The following CNTNAP2 variants were observed in gnomAD, a reference collection of about 807,000 sequenced individuals.
The protein encoded by CNTNAP2 is contactin-associated protein-like 2.
A neutral mutation model predicts 155.2 loss-of-function variants in CNTNAP2; 98 were observed. The observed-to-expected ratio is 0.63, with a 90% CI of 0.54 to 0.75. The LOEUF is 0.75. Among genes scored for constraint, CNTNAP2 ranks in the 30% least tolerant of loss-of-function variants. The pLI, the probability that CNTNAP2 is intolerant of heterozygous loss-of-function variation, is 0.00. For synonymous variants in CNTNAP2, 651 were observed against 631.2 expected (o/e 1.03, Z -0.47); for missense variants, 1,727 against 1,688.1 (o/e 1.02, Z -0.40).
At position 147,320,094 on chromosome 7, in the gene CNTNAP2, TTCTAA is replaced by T. The variant is rs1247672407; in HGVS notation, c.1498+19809_1498+19813del. ...AGCATGCAACCTCTAATTTAACAAG[TTCTAA>T]TCTATCTAGATTTTCCACCATCTTT... On this transcript the variant is annotated intron_variant, in intron 9 of 23. Transcript: ENST00000361727. Among the ~76,000 whole-genome samples the T allele has an allele frequency of 7.2e-5, 11 of 152,268 alleles. No individual in the cohort carries two copies. The Middle Eastern group carries it at 0.01, about 141-fold the overall frequency.
intron 13 of CNTNAP2, among the ~76,000 whole-genome samples, chr7:147,823,267 C>T (rs1161391469): frequency 6.6e-6 from 1 of 152,118 alleles, no homozygotes; most frequent in Admixed American, 6.6e-5. Context: ...CAGCAGCTGC[C>T]CTGCTGCTAA....
chr7:146,486,416 A>G (rs531114122), intron 1 of CNTNAP2, among the ~76,000 whole-genome samples: 1 of 152,232 alleles, frequency 6.6e-6, no homozygotes, highest in South Asian at 2.1e-4. Flanking sequence ...AGAAATGTAG[A>G]GATAATCATG....
chr7:146,117,243 G>C (rs541077563), intron 1 of CNTNAP2: 105 of 480,994 alleles, frequency 2.2e-4, no homozygotes, highest in Non-Finnish European at 3.6e-4. Flanking sequence ...TAGAGAGACT[G>C]ATGTAGATGG....
chr7:147,968,072 C>A (rs968860582), intron 14 of CNTNAP2, among the ~76,000 whole-genome samples: 2 of 152,134 alleles, frequency 1.3e-5, no homozygotes, highest in Admixed American at 6.5e-5. Flanking sequence ...TTTATTCAAT[C>A]ATGAAACACG....
chr7:148,134,359 T>A (rs1224554330), intron 16 of CNTNAP2, among the ~76,000 whole-genome samples: 1 of 152,228 alleles, frequency 6.6e-6, no homozygotes, highest in African/African-American at 2.4e-5. Flanking sequence ...ATTATGCTCA[T>A]CCTGCATTCC....
chr7:147,833,384 A>C (rs1204451643), intron 13 of CNTNAP2, among the ~76,000 whole-genome samples: 4 of 152,178 alleles, frequency 2.6e-5, no homozygotes, highest in South Asian at 2.1e-4. Flanking sequence ...TGTGATAGAT[A>C]ATTTCCGAGC....
chr7:147,070,670 C>G lies in CNTNAP2; in HGVS notation c.550+26616C>G, dbSNP rs536366535. Among the ~76,000 whole-genome samples, 113 of 152,256 alleles carry G rather than the reference C, an allele frequency of 7.4e-4. 1 individual carries two copies. The highest frequency in any genetic ancestry group is 6.9e-3 in the Admixed American group (105 of 15,290). On this transcript the variant is annotated intron_variant, in intron 4 of 23. Transcript: ENST00000361727. ...AAACTGAAAGAGTCATATAGCCTTG[C>G]CAGGGAAAGAAGACAGGGATGCAAC...
At chr7:147,558,830 C>T (rs2116780540) in intron 11 of CNTNAP2, among the ~76,000 whole-genome samples, 1 of 152,124 alleles carries the variant, frequency 6.6e-6, no homozygotes, top group Non-Finnish European at 1.5e-5. Flanking sequence ...GCATCCTTCG[C>T]CTCCTGGGTT....
intron 13 of CNTNAP2, among the ~76,000 whole-genome samples, chr7:147,812,384 C>T (rs891676602): frequency 1.1e-4 from 17 of 151,804 alleles, no homozygotes; most frequent in African/African-American, 4.1e-4. Flanking sequence ...CTTGAAAGAT[C>T]ATTTACCTTG....
chr7:147,842,604 T>A (rs1316593131), intron 13 of CNTNAP2, among the ~76,000 whole-genome samples: 4 of 78,700 alleles, frequency 5.1e-5, no homozygotes, highest in Admixed American at 3.7e-4. Context: ...TTTTTTTTTT[T>A]ATTATACTCT....
At chr7:147,282,004 C>T (rs1165097620) in intron 8 of CNTNAP2, among the ~76,000 whole-genome samples, 1 of 151,844 alleles carries the variant, frequency 6.6e-6, no homozygotes, top group Admixed American at 6.6e-5. Flanking sequence ...CCTCCATCTT[C>T]CAAAAGGAGG....
intron 9 of CNTNAP2, among the ~76,000 whole-genome samples, chr7:147,333,983 A>G (rs1795623055): frequency 6.6e-6 from 1 of 152,060 alleles, no homozygotes; most frequent in Admixed American, 6.6e-5. Context: ...ATGAGACACA[A>G]TTGTTTTCTG....
chr7:146,224,406 G>A (rs2693307), intron 1 of CNTNAP2, among the ~76,000 whole-genome samples: 110,389 of 150,046 alleles, frequency 0.74, 40,821 homozygotes, highest in East Asian at 0.94. Context: ...AGCAAGTTAC[G>A]TTTTTATCAA....
intron 10 of CNTNAP2, among the ~76,000 whole-genome samples, chr7:147,441,357 T>C (rs1404992185): frequency 6.6e-6 from 1 of 152,156 alleles, no homozygotes; most frequent in Admixed American, 6.5e-5. Context: ...TCTGAATTCC[T>C]TCTCTGTGTT....
intron 13 of CNTNAP2, among the ~76,000 whole-genome samples, chr7:147,694,544 T>A (rs982032598): frequency 1.3e-5 from 2 of 152,158 alleles, no homozygotes; most frequent in Non-Finnish European, 2.9e-5. Context: ...CTATTCAGAT[T>A]GTCAATTTAT....
chr7:146,886,248 T>C lies in CNTNAP2; in HGVS notation c.402+46344T>C, dbSNP rs1468117162. Among the ~76,000 whole-genome samples the C allele has an allele frequency of 2.0e-5, 3 of 149,500 alleles. No individual in the cohort carries two copies. The South Asian group carries it at 6.3e-4, about 31-fold the overall frequency. On this transcript the variant is annotated intron_variant, in intron 3 of 23. Coordinates refer to ENST00000361727, the MANE Select transcript of CNTNAP2 (RefSeq NM_014141.6). Reference sequence around the variant, plus strand: ...TTTCTGACTCTAAGGTTTTCCCTTATGCTATCAATTTTTTGTTCAGTTTTC... The same window carrying C: ...TTTCTGACTCTAAGGTTTTCCCTTACGCTATCAATTTTTTGTTCAGTTTTC...
chr7:146,280,456 C>G (rs188294206), intron 1 of CNTNAP2, among the ~76,000 whole-genome samples: 22 of 152,222 alleles, frequency 1.4e-4, no homozygotes, highest in Admixed American at 1.1e-3. Context: ...GTCATCAATA[C>G]TTGCCTTTTG....
intron 12 of CNTNAP2, among the ~76,000 whole-genome samples, chr7:147,631,092 A>G (rs1795078633): frequency 1.3e-5 from 2 of 152,188 alleles, no homozygotes; most frequent in Non-Finnish European, 2.9e-5. Context: ...TCATCCAAAA[A>G]GCTCCTAGAT....
At chr7:146,339,579 G>T (rs1801338224) in intron 1 of CNTNAP2, among the ~76,000 whole-genome samples, 1 of 152,076 alleles carries the variant, frequency 6.6e-6, no homozygotes, top group East Asian at 1.9e-4. Flanking sequence ...TGGAAATAGG[G>T]TCATTTGGTT....
Sources: gnomAD v4.1 joint callset for allele counts (sites outside exome capture counted in the v4.1 genomes callset) on GRCh38, gnomAD v4.1.1 for gene constraint, MANE v1.5 for transcripts, NCBI Gene and HGNC (gene_info 2026-07-23, HGNC 2026-07-21) for gene names.